Variants in PMPCB observed in about 807,000 individuals in gnomAD.
PMPCB encodes mitochondrial-processing peptidase subunit beta.
In PMPCB, 46 loss-of-function variants were observed where a neutral mutation model predicts 61.5. That is an observed-to-expected ratio of 0.75 (90% confidence interval 0.59 to 0.96). PMPCB has a LOEUF of 0.96. PMPCB is among the 40% of genes least tolerant of loss of function. PMPCB has a pLI of 0.00. For synonymous variants in PMPCB, 191 were observed against 201.6 expected (o/e 0.95, Z 0.44); for missense variants, 590 against 602.4 (o/e 0.98, Z 0.22).
intron 9 of PMPCB, 199 bp downstream of exon 9, chr7:103,310,674 ATTTTTTTT>A (rs377252653): frequency 3.8e-5 from 6 of 158,578 alleles, no homozygotes; most frequent in African/African-American, 5.7e-5. Flanking sequence ...ATACTATAGA[ATTTTTTTT>A]TTTTTTTTTT....
the PMPCB span, chr7:103,335,222 T>C: frequency 6.6e-6 from 1 of 152,224 alleles, no homozygotes; most frequent in Non-Finnish European, 1.5e-5. Flanking sequence ...AAGCAAGCAT[T>C]CAAAGGACAT....
At chr7:103,344,856 A>G in the PMPCB span, 2 of 587,942 alleles carry the variant, frequency 3.4e-6, no homozygotes, top group Non-Finnish European at 6.1e-6. Flanking sequence ...CTAGTTCTAT[A>G]CTGACTGAGA....
chr7:103,343,410 T>C, the PMPCB span, among the ~76,000 whole-genome samples: 4 of 152,332 alleles, frequency 2.6e-5, no homozygotes, highest in East Asian at 7.7e-4. Context: ...CAAATGGGAA[T>C]TTACTAATGC....
chr7:103,300,981 G>A (rs1323362512), intron 4 of PMPCB, among the ~76,000 whole-genome samples: 1 of 152,336 alleles, frequency 6.6e-6, no homozygotes, highest in African/African-American at 2.4e-5. Flanking sequence ...ACTGTGCACG[G>A]CCATTAGTGA....
chr7:103,305,401 GTTT>G (rs1817549453), intron 6 of PMPCB, among the ~76,000 whole-genome samples: 1 of 152,096 alleles, frequency 6.6e-6, no homozygotes. Context: ...TTGGTTTCCA[GTTT>G]TTTATTTTTT....
the PMPCB span, among the ~76,000 whole-genome samples, chr7:103,346,159 G>A: frequency 6.6e-6 from 1 of 152,048 alleles, no homozygotes; most frequent in Non-Finnish European, 1.5e-5. Flanking sequence ...CTGAGACAGA[G>A]GCTTGCTCTG....
At chr7:103,299,563 T>C in intron 3 of PMPCB, 34 bp downstream of exon 3, 1 of 1,254,154 alleles carries the variant, frequency 8.0e-7, no homozygotes, top group Non-Finnish European at 1.2e-6. Flanking sequence ...ATGCACTCTC[T>C]TTAAGAGATA....
the PMPCB span, among the ~76,000 whole-genome samples, chr7:103,341,394 G>C: frequency 6.6e-6 from 1 of 152,094 alleles, no homozygotes; most frequent in Non-Finnish European, 1.5e-5. Flanking sequence ...TCACCATACC[G>C]CATGTACCCT....
At chr7:103,297,616 C>T (rs1254610782) in intron 1 of PMPCB, 58 bp downstream of exon 1, 7 of 1,605,046 alleles carry the variant, frequency 4.4e-6, no homozygotes, top group African/African-American at 1.3e-5. Flanking sequence ...CGGCGCAGCG[C>T]ACCTGAGAGT....
chr7:103,342,730 T>C, the PMPCB span, among the ~76,000 whole-genome samples: 2 of 151,240 alleles, frequency 1.3e-5, no homozygotes, highest in African/African-American at 4.9e-5. Context: ...TGCCTCAGCC[T>C]CCCGAGTAGC....
chr7:103,311,929 GT>G, intron 11 of PMPCB, 33 bp downstream of exon 11: 1 of 1,531,758 alleles, frequency 6.5e-7, no homozygotes, highest in Non-Finnish European at 8.9e-7. Flanking sequence ...TGGGTCATGT[GT>G]AAAAAGATCC....
downstream of PMPCB, among the ~76,000 whole-genome samples, chr7:103,332,969 T>C (rs1054547403): frequency 3.9e-5 from 6 of 152,222 alleles, no homozygotes; most frequent in Non-Finnish European, 8.8e-5. Context: ...TCTGAAATGC[T>C]TGGGACCAAA....
At chr7:103,317,012 T>C (rs749015927), downstream of PMPCB, 2 of 1,612,384 alleles carry the variant, frequency 1.2e-6, no homozygotes, top group African/African-American at 1.3e-5. Context: ...TTATTTCTTC[T>C]ATCTGCACAA....
intron 6 of PMPCB, 104 bp downstream of exon 6, chr7:103,304,594 A>G: frequency 1.3e-6 from 1 of 778,098 alleles, no homozygotes; most frequent in Admixed American, 1.9e-5. Flanking sequence ...TTTCATTTAC[A>G]TAGCAAATAA....
chr7:103,310,186 A>G (rs759666617), intron 8 of PMPCB, 129 bp from the exon 9 acceptor site: 48 of 674,190 alleles, frequency 7.1e-5, no homozygotes, highest in Non-Finnish European at 1.1e-4. Context: ...TAACTCTACT[A>G]CTGAGATGTT....
chr7:103,307,504 CA>C, intron 6 of PMPCB, 91 bp from the exon 7 acceptor site: 1 of 713,728 alleles, frequency 1.4e-6, no homozygotes, highest in South Asian at 1.6e-5. Context: ...GTAGATAGTT[CA>C]TGTGTAATGT....
intron 1 of PMPCB, among the ~76,000 whole-genome samples, chr7:103,298,357 C>T (rs1399429519): frequency 2.0e-5 from 3 of 152,012 alleles, no homozygotes; most frequent in South Asian, 2.1e-4. Context: ...GAGGGAAGGG[C>T]ATGTTTATAA....
At chr7:103,308,597 C>T (rs573906705) in intron 7 of PMPCB, among the ~76,000 whole-genome samples, 5 of 151,926 alleles carry the variant, frequency 3.3e-5, no homozygotes, top group East Asian at 3.9e-4. Context: ...CCAGGCTGGG[C>T]GACAGAGTGA....
the PMPCB span, among the ~76,000 whole-genome samples, chr7:103,339,659 T>C: frequency 1.2e-3 from 178 of 152,070 alleles, no homozygotes; most frequent in Non-Finnish European, 2.2e-3. Context: ...TGGAGTGCAG[T>C]GGCACGATCT....
Sources: gnomAD v4.1 joint callset for allele counts (sites outside exome capture counted in the v4.1 genomes callset) on GRCh38, gnomAD v4.1.1 for gene constraint, MANE v1.5 for transcripts, NCBI Gene and HGNC (gene_info 2026-07-23, HGNC 2026-07-21) for gene names.